Variants in NR2F1-AS1 observed in about 807,000 individuals in gnomAD.
NR2F1-AS1 encodes NR2F1 antisense RNA 1.
At chr5:93,465,612 A>G (rs1165716308) in intron 4 of NR2F1-AS1, among the ~76,000 whole-genome samples, 2 of 152,216 alleles carry the variant, frequency 1.3e-5, no homozygotes, top group African/African-American at 4.8e-5. Flanking sequence ...GCTGCTATAA[A>G]GACACATGCA....
intron 4 of NR2F1-AS1, among the ~76,000 whole-genome samples, chr5:93,453,962 T>G (rs759617357): frequency 4.1e-4 from 63 of 152,194 alleles, no homozygotes; most frequent in Non-Finnish European, 7.8e-4. Flanking sequence ...ATAAATGTTT[T>G]CCTCATATTT....
upstream of NR2F1-AS1, among the ~76,000 whole-genome samples, chr5:93,581,731 TCTCCCCCTCTCC>T (rs1561519285): frequency 2.6e-5 from 1 of 39,174 alleles, no homozygotes; most frequent in Admixed American, 2.8e-4. Flanking sequence ...TCTCTCTCTC[TCTCCCCCTCTCC>T]CTCTCCCTCT....
rs1376233947 is a variant in NR2F1-AS1, at chr5:93,508,667, A to AC, written n.638+45093dup. Among the ~76,000 whole-genome samples, 8 of 152,170 alleles carry AC rather than the reference A, an allele frequency of 5.3e-5. No homozygotes were observed. The East Asian group carries it at 1.5e-3, about 29-fold the overall frequency. On this transcript the variant is annotated intron_variant and non_coding_transcript_variant, in intron 4 of 5. Coordinates refer to ENST00000660523, the Ensembl canonical transcript of NR2F1-AS1. ...GATACATCACAAAGTAAAAAGATAA[A>AC]CCACAAAATGGTACAAGTTTACAAT...
At chr5:93,467,286 T>G (rs1428232586) in intron 4 of NR2F1-AS1, among the ~76,000 whole-genome samples, 1 of 152,224 alleles carries the variant, frequency 6.6e-6, no homozygotes, top group Non-Finnish European at 1.5e-5. Context: ...AAAACTCATA[T>G]GATGCAGGGG....
At chr5:93,472,517 ACT>A (rs1473877189) in intron 4 of NR2F1-AS1, among the ~76,000 whole-genome samples, 4 of 151,860 alleles carry the variant, frequency 2.6e-5, no homozygotes, top group Non-Finnish European at 5.9e-5. Context: ...ACATGAATAT[ACT>A]CTCACTCAAG....
chr5:93,478,726 C>T (rs1750539610), intron 4 of NR2F1-AS1, among the ~76,000 whole-genome samples: 1 of 152,078 alleles, frequency 6.6e-6, no homozygotes, highest in African/African-American at 2.4e-5. Context: ...ATATACTGAA[C>T]TGAAAATAGG....
In NR2F1-AS1 at chr5:93,493,884, T is replaced by C. The variant is rs141081571; in HGVS notation, n.638+59877A>G. On this transcript the variant is annotated intron_variant and non_coding_transcript_variant, in intron 4 of 5. Coordinates refer to ENST00000660523, the Ensembl canonical transcript of NR2F1-AS1. The stretch of plus-strand genomic sequence containing the variant: ...AATTACCTAAATATGAAAGCTACAA[T>C]TATAGGACTATTAAAGAAACCATAC... 1.1e-3 allele frequency among the ~76,000 whole-genome samples: 172 copies of C among 152,220 alleles called. 2 individuals are homozygous for C. In the Middle Eastern group the frequency reaches 0.024, roughly 21 times the overall value.
chr5:93,477,037 T>C (rs1750499485), intron 4 of NR2F1-AS1, among the ~76,000 whole-genome samples: 1 of 152,188 alleles, frequency 6.6e-6, no homozygotes, highest in Admixed American at 6.5e-5. Context: ...TTTCAAATCA[T>C]GTTCTGTTTC....
chr5:93,458,523 A>G (rs1324762257), intron 4 of NR2F1-AS1, among the ~76,000 whole-genome samples: 3 of 152,216 alleles, frequency 2.0e-5, no homozygotes, highest in African/African-American at 7.2e-5. Context: ...ATAAAAATTC[A>G]TTCAAAATGT....
intron 4 of NR2F1-AS1, among the ~76,000 whole-genome samples, chr5:93,487,901 C>T (rs987019641): frequency 2.0e-5 from 3 of 152,018 alleles, no homozygotes; most frequent in African/African-American, 7.2e-5. Flanking sequence ...CATATATAGA[C>T]CAATGGAACA....
At chr5:93,492,207 C>G (rs1209266913) in intron 4 of NR2F1-AS1, among the ~76,000 whole-genome samples, 1 of 152,072 alleles carries the variant, frequency 6.6e-6, no homozygotes, top group Non-Finnish European at 1.5e-5. Context: ...GATGTATGGA[C>G]AAATTCCTAG....
At chr5:93,453,687 A>T (rs1053818868) in intron 4 of NR2F1-AS1, among the ~76,000 whole-genome samples, 2 of 152,116 alleles carry the variant, frequency 1.3e-5, no homozygotes, top group Admixed American at 6.6e-5. Flanking sequence ...GTCAAAAGAC[A>T]ATGGAGTGAC....
chr5:93,524,248 A>G (rs1304252709), intron 4 of NR2F1-AS1, among the ~76,000 whole-genome samples: 1 of 151,948 alleles, frequency 6.6e-6, no homozygotes, highest in Non-Finnish European at 1.5e-5. Context: ...AGCAGAAGAA[A>G]GAATATCAGA....
intron 4 of NR2F1-AS1, among the ~76,000 whole-genome samples, chr5:93,459,165 G>A (rs1194951123): frequency 1.3e-5 from 2 of 151,910 alleles, no homozygotes; most frequent in East Asian, 1.9e-4. Context: ...TTTTAAAATA[G>A]ACAAGCTTTA....
In NR2F1-AS1 at chr5:93,468,760, T is replaced by A. The variant is rs368099270; in HGVS notation, n.639-73218A>T. ...GAATGGTATTGCCTAGGTTTTCTTC[T>A]AGGGTTTTTATGGTGTTAGGTCTTA... is the stretch of plus-strand genomic sequence containing the variant. On this transcript the variant is annotated intron_variant and non_coding_transcript_variant, in intron 4 of 5. Transcript: ENST00000660523. Among the ~76,000 whole-genome samples the A allele has an allele frequency of 2.6e-5, 4 of 152,344 alleles. No individual in the cohort carries two copies. The East Asian group carries it at 7.7e-4, about 29-fold the overall frequency.
chr5:93,574,297 G>A (rs890976703), intron 1 of NR2F1-AS1, among the ~76,000 whole-genome samples: 4 of 152,174 alleles, frequency 2.6e-5, no homozygotes, highest in African/African-American at 7.2e-5. Flanking sequence ...GTTGTCCAGC[G>A]GCTGAAAGCC....
intron 4 of NR2F1-AS1, among the ~76,000 whole-genome samples, chr5:93,431,822 C>A (rs1026517202): frequency 2.0e-5 from 3 of 152,116 alleles, no homozygotes; most frequent in East Asian, 1.9e-4. Context: ...AATAAAATAA[C>A]CCTCTTTGGA....
chr5:93,576,074 C>T (rs1181823124), intron 1 of NR2F1-AS1, among the ~76,000 whole-genome samples: 1 of 152,174 alleles, frequency 6.6e-6, no homozygotes, highest in Non-Finnish European at 1.5e-5. Context: ...GATGTCTATT[C>T]AAAGTTGCTG....
At chr5:93,490,534 G>C (rs1021817853) in intron 4 of NR2F1-AS1, among the ~76,000 whole-genome samples, 3 of 151,166 alleles carry the variant, frequency 2.0e-5, no homozygotes, top group African/African-American at 7.3e-5. Flanking sequence ...TTGTGGTTAT[G>C]GTGGCAGTGG....
Sources: gnomAD v4.1 joint callset for allele counts (sites outside exome capture counted in the v4.1 genomes callset) on GRCh38, gnomAD v4.1.1 for gene constraint, MANE v1.5 for transcripts, NCBI Gene and HGNC (gene_info 2026-07-23, HGNC 2026-07-21) for gene names.